MYO10: variants seen among roughly 807,000 people sequenced by gnomAD.
The protein encoded by MYO10 is myosin X, also known as unconventional myosin-X.
In MYO10, 133 loss-of-function variants were observed where a neutral mutation model predicts 257.3. That is an observed-to-expected ratio of 0.52 (90% CI 0.45 to 0.60). The LOEUF (loss-of-function observed/expected upper bound fraction) is 0.60, where lower values mean the gene tolerates loss of function less well. Ranked by LOEUF, MYO10 falls within the 20% of genes least tolerant of loss-of-function variation. The pLI, the probability that MYO10 is intolerant of heterozygous loss-of-function variation, is 0.00. For synonymous variants in MYO10, 1,104 were observed against 1,028.6 expected (o/e 1.07, Z -1.40); for missense variants, 2,399 against 2,635.7 (o/e 0.91, Z 1.97).
In MYO10 at chr5:16,672,792, C is replaced by T; in HGVS notation, c.5206G>A (p.Glu1736Lys). 1 of 1,613,822 alleles carries T rather than the reference C, an allele frequency of 6.2e-7. No individual in the cohort carries two copies. The highest frequency in any genetic ancestry group is 8.5e-7 in the Non-Finnish European group (1 of 1,179,816). The change falls in exon 37 of 41, where the codon GAG becomes AAG. Residue 1736 changes from glutamate to lysine, a missense_variant. By Grantham distance (56) the Glu-to-Lys change is moderately conservative. This residue lies in a region of MYO10 where 1,820 missense variants were observed against 1,939.4 expected (regional missense o/e 0.94). Coordinates refer to ENST00000513610, the MANE Select transcript of MYO10 (RefSeq NM_012334.3). ...VEKLIRGLAMEDSRNMFALFE... is the reference protein window; with the variant it reads ...VEKLIRGLAMKDSRNMFALFE... The stretch of plus-strand genomic sequence containing the variant: ...AAAGCAAACATGTTCCTGCTGTCCT[C>T]CATGGCCAGGCCTCGGATCAGCTTC...
chr5:16,795,015 A>C (rs1310009629), intron 3 of MYO10, among the ~76,000 whole-genome samples, 182 bp from the exon 4 acceptor site: 1 of 152,196 alleles, frequency 6.6e-6, no homozygotes, highest in African/African-American at 2.4e-5. Flanking sequence ...AAGCCATTTC[A>C]AAGAGGGATG....
In MYO10 at chr5:16,674,838, GC is replaced by G. The variant is rs773336698; in HGVS notation, c.4964+14del. On this transcript the variant is annotated intron_variant, in intron 35 of 40. Coordinates refer to ENST00000513610, the MANE Select transcript of MYO10 (RefSeq NM_012334.3). ...CAGCTCTGCCCAGCTCATCTCCCGT[GC>G]CCCCATGCTTTACCTTTTCAGATGG... is the stretch of plus-strand genomic sequence containing the variant. The G allele has an allele frequency of 1.2e-6, 2 of 1,613,290 alleles. No individual in the cohort carries two copies. Among genetic ancestry groups the G allele is most frequent in the Non-Finnish European group, 1.7e-6 (2 of 1,179,606 alleles).
intron 3 of MYO10, among the ~76,000 whole-genome samples, chr5:16,808,387 T>G (rs969722298): frequency 6.6e-6 from 1 of 152,150 alleles, no homozygotes; most frequent in Admixed American, 6.6e-5. Context: ...GTAGGAGGAC[T>G]GCTTGAGCCC....
intron 2 of MYO10, among the ~76,000 whole-genome samples, chr5:16,850,836 C>G (rs1743780017): frequency 1.3e-5 from 2 of 151,360 alleles, no homozygotes; most frequent in Admixed American, 1.3e-4. Flanking sequence ...GAGTCTTGCT[C>G]TGTCGTCCAG....
intron 2 of MYO10, among the ~76,000 whole-genome samples, chr5:16,827,412 G>A (rs1014744061): frequency 8.6e-5 from 13 of 151,992 alleles, no homozygotes; most frequent in Admixed American, 3.9e-4. Context: ...TCAGCCTCCC[G>A]GATAGCTGGA....
intron 2 of MYO10, among the ~76,000 whole-genome samples, chr5:16,852,700 TTC>T (rs2126737612): frequency 6.6e-6 from 1 of 152,052 alleles, no homozygotes; most frequent in Non-Finnish European, 1.5e-5. Flanking sequence ...CTCCCTATTC[TTC>T]TGTTTTCTCA....
chr5:16,934,444 G>C (rs1318979157), intron 1 of MYO10, among the ~76,000 whole-genome samples: 1 of 152,206 alleles, frequency 6.6e-6, no homozygotes, highest in Non-Finnish European at 1.5e-5. Context: ...TTAAACACCG[G>C]AACTCACTGT....
At chr5:16,743,577 T>C (rs1372724942) in intron 19 of MYO10, among the ~76,000 whole-genome samples, 1 of 151,318 alleles carries the variant, frequency 6.6e-6, no homozygotes, top group Non-Finnish European at 1.5e-5. Flanking sequence ...CGGGAGGCAG[T>C]GGTTGCAGTG....
At chr5:16,840,331 G>A (rs1477767252) in intron 2 of MYO10, among the ~76,000 whole-genome samples, 1 of 152,148 alleles carries the variant, frequency 6.6e-6, no homozygotes, top group African/African-American at 2.4e-5. Context: ...AGAATCGTTT[G>A]AACCTGGGAG....
intron 35 of MYO10, among the ~76,000 whole-genome samples, 180 bp from the exon 36 acceptor site, chr5:16,674,069 A>G (rs1005518434): frequency 1.3e-5 from 2 of 152,186 alleles, no homozygotes; most frequent in Non-Finnish European, 2.9e-5. Flanking sequence ...CAATTTAAAT[A>G]CAAAAAACCC....
In MYO10 at chr5:16,668,302, C is replaced by T; in HGVS notation, c.6050G>A (p.Arg2017Lys). Reference sequence around the variant, plus strand: ...CTCACTGGTTTCAAAGAGCAGCTCCCTCTCATCGACCACGATCTTATACGT... The same window carrying T: ...CTCACTGGTTTCAAAGAGCAGCTCCTTCTCATCGACCACGATCTTATACGT... ...ANTYKIVVDE[R>K]ELLFETSEVV... The change falls in exon 40 of 41, where the codon AGG becomes AAG. Residue 2017 changes from arginine to lysine, a missense_variant. Around this residue, in one of 3 missense-constraint regions of MYO10, gnomAD observed 1,820 missense variants for 1,939.4 expected, o/e 0.94. Coordinates refer to ENST00000513610, the MANE Select transcript of MYO10 (RefSeq NM_012334.3). The T allele has an allele frequency of 6.2e-7, 1 of 1,613,280 alleles. No individual in the cohort carries two copies. The highest frequency in any genetic ancestry group is 8.5e-7 in the Non-Finnish European group (1 of 1,179,658).
At chr5:16,755,529 C>T (rs1298211709) in intron 18 of MYO10, among the ~76,000 whole-genome samples, 2 of 152,156 alleles carry the variant, frequency 1.3e-5, no homozygotes, top group Non-Finnish European at 2.9e-5. Flanking sequence ...GATATTTCAA[C>T]GTTTAGTACA....
At chr5:16,734,828 T>G (rs1739726137) in intron 19 of MYO10, among the ~76,000 whole-genome samples, 1 of 150,342 alleles carries the variant, frequency 6.7e-6, no homozygotes, top group African/African-American at 2.4e-5. Flanking sequence ...AAGACTCCAA[T>G]GCCACTTCTT....
At chr5:16,922,773 G>A (rs1298713811) in intron 1 of MYO10, among the ~76,000 whole-genome samples, 1 of 152,244 alleles carries the variant, frequency 6.6e-6, no homozygotes, top group African/African-American at 2.4e-5. Flanking sequence ...GCTTACACCT[G>A]TAATTCCAGC....
rs562559566 is a variant in MYO10, at chr5:16,928,617, G to A, written c.21+7171C>T. ...TCCCAGCACTTTGGGAGGCTGTGAC[G>A]GGTGGATCACAAGGTCTGGAAATCG... On this transcript the variant is annotated intron_variant, in intron 1 of 40. Transcript: ENST00000513610. Among the ~76,000 whole-genome samples, 8 of 152,108 alleles carry A rather than the reference G, an allele frequency of 5.3e-5. No homozygotes were observed. In the East Asian group the frequency reaches 5.9e-4, roughly 11 times the overall value.
In MYO10 at chr5:16,882,522, T is replaced by C. The variant is rs187656284; in HGVS notation, c.22-4815A>G. Among the ~76,000 whole-genome samples the C allele has an allele frequency of 7.9e-4, 120 of 152,204 alleles. 1 individual carries two copies. The highest frequency in any genetic ancestry group is 3.4e-3 in the Middle Eastern group (1 of 294). On this transcript the variant is annotated intron_variant, in intron 1 of 40. Coordinates refer to ENST00000513610, the MANE Select transcript of MYO10 (RefSeq NM_012334.3). ...CAATTCAAAGGTCTAGTAACTGGTA[T>C]AGAGATACTCAGAATAAATCCATAC...
chr5:16,902,696 G>C, intron 1 of MYO10: 2 of 891,652 alleles, frequency 2.2e-6, no homozygotes, highest in Non-Finnish European at 3.7e-6. Flanking sequence ...TTTTAGTGGA[G>C]ATGGGGTTTC....
In MYO10 at chr5:16,935,840, C is replaced by A. The variant is rs781356978; in HGVS notation, c.-32G>T. The A allele has an allele frequency of 2.5e-6, 4 of 1,611,226 alleles. No individual in the cohort carries two copies. The East Asian group carries it at 8.9e-5, about 36-fold the overall frequency. ...AGCGCAGTCCCGGACTCGCCGAGTG[C>A]CGCTCCGACTCGCGGAAGTCAGCGC... On this transcript the variant is annotated 5_prime_UTR_variant, in exon 1 of 41. Transcript: ENST00000513610.
intron 29 of MYO10, 33 bp downstream of exon 29, chr5:16,685,705 G>A (rs779713543): frequency 1.2e-5 from 8 of 679,682 alleles, no homozygotes; most frequent in East Asian, 5.0e-5. Context: ...GCCCCTAGAC[G>A]CCCCACCCCC....
Sources: gnomAD v4.1 joint callset for allele counts (sites outside exome capture counted in the v4.1 genomes callset) on GRCh38, gnomAD v4.1.1 for gene constraint, gnomAD v4.1.1 regional missense constraint, MANE v1.5 for transcripts, NCBI Gene and HGNC (gene_info 2026-07-23, HGNC 2026-07-21) for gene names.